SLC1A6: variants seen among roughly 807,000 people sequenced by gnomAD.
SLC1A6 encodes the protein solute carrier family 1 member 6.
Under a neutral mutation model 42.1 loss-of-function variants are expected in SLC1A6, and 15 were observed. That is an observed-to-expected ratio of 0.36 (90% CI 0.24 to 0.55). SLC1A6 has a LOEUF of 0.55. Among genes scored for constraint, SLC1A6 ranks in the 20% least tolerant of loss-of-function variants. The probability of loss-of-function intolerance (pLI) is 0.88; values close to 1 mark genes in which losing one functional copy is unlikely to be tolerated. For missense variants in SLC1A6, 542 were observed against 772.5 expected (o/e 0.70, Z 3.54); for synonymous variants, 317 against 319.7 (o/e 0.99, Z 0.09).
chr19:14,952,119 C>A (rs948879876), intron 9 of SLC1A6, among the ~76,000 whole-genome samples: 7 of 151,942 alleles, frequency 4.6e-5, no homozygotes, highest in African/African-American at 1.5e-4. Flanking sequence ...ACCCGTAAAC[C>A]TCCTGTTTTT....
At chr19:14,955,063 C>A (rs1300408936) in intron 7 of SLC1A6, among the ~76,000 whole-genome samples, 1 of 152,092 alleles carries the variant, frequency 6.6e-6, no homozygotes, top group Non-Finnish European at 1.5e-5. Flanking sequence ...CGAGTTTAGT[C>A]AAAGAAGTGG....
At chr19:15,008,169 A>T (rs1002840314) in intron 1 of SLC1A6, among the ~76,000 whole-genome samples, 1 of 151,914 alleles carries the variant, frequency 6.6e-6, no homozygotes, top group African/African-American at 2.4e-5. Context: ...TGTTAGCAAG[A>T]CTCTGTCTTT....
chr19:14,966,429 G>C (rs916071263), intron 4 of SLC1A6, among the ~76,000 whole-genome samples: 1 of 152,062 alleles, frequency 6.6e-6, no homozygotes, highest in African/African-American at 2.4e-5. Flanking sequence ...AGGTTGCAGT[G>C]AGCCAAGCTC....
At chr19:14,992,517 G>A (rs955170802) in intron 1 of SLC1A6, among the ~76,000 whole-genome samples, 1 of 152,096 alleles carries the variant, frequency 6.6e-6, no homozygotes, top group Non-Finnish European at 1.5e-5. Flanking sequence ...GAGGCAGGCA[G>A]ACAGGTGGTG....
chr19:14,986,102 T>A (rs1314160766), intron 1 of SLC1A6, among the ~76,000 whole-genome samples: 1 of 13,320 alleles, frequency 7.5e-5, no homozygotes, highest in Non-Finnish European at 1.5e-4. Flanking sequence ...CAAGCAGTAA[T>A]TTTTTTTTTT....
intron 1 of SLC1A6, among the ~76,000 whole-genome samples, chr19:14,993,183 C>A (rs557935425): frequency 6.6e-6 from 1 of 152,122 alleles, no homozygotes; most frequent in Non-Finnish European, 1.5e-5. Context: ...TCAGGATACC[C>A]CCTCCCAAAT....
intron 7 of SLC1A6, among the ~76,000 whole-genome samples, chr19:14,955,722 G>A (rs2045456406): frequency 6.6e-6 from 1 of 152,016 alleles, no homozygotes; most frequent in Non-Finnish European, 1.5e-5. Flanking sequence ...ATCACATGAG[G>A]CCAGGTGTTC....
At chr19:14,978,470 CCAGA>C (rs1244775274) in intron 1 of SLC1A6, among the ~76,000 whole-genome samples, 11 of 152,074 alleles carry the variant, frequency 7.2e-5, no homozygotes, top group Middle Eastern at 3.4e-3. Flanking sequence ...ATCCACAACC[CCAGA>C]CAGACACAGT....
At chr19:14,995,858 G>A (rs1235353278) in intron 1 of SLC1A6, among the ~76,000 whole-genome samples, 7 of 152,090 alleles carry the variant, frequency 4.6e-5, no homozygotes, top group African/African-American at 1.7e-4. Context: ...GTAGATCACT[G>A]GTAGATCCAG....
Position 14,968,341 on chromosome 19 carries a change from C to G in SLC1A6, c.510G>C (p.Glu170Asp). The G allele has an allele frequency of 1.2e-6, 2 of 1,613,726 alleles. No individual in the cohort carries two copies. The highest frequency in any genetic ancestry group is 1.7e-6 in the Non-Finnish European group (2 of 1,179,900). ...TGAAGGCATCAGCTGTGGGGATGGT[C>G]TCGATCCGGCCCTCCCGGTGCAGCC... ...KEGLHREGRI[E>D]TIPTADAFMD... Residue 170 changes from glutamate to aspartate, a missense_variant, in exon 4 of 10, where the codon GAG becomes GAC. Coordinates refer to ENST00000594383, the MANE Select transcript of SLC1A6 (RefSeq NM_005071.3).
intron 2 of SLC1A6, 143 bp downstream of exon 2, chr19:14,972,563 G>C (rs1412246023): frequency 3.1e-6 from 2 of 654,160 alleles, no homozygotes; most frequent in African/African-American, 1.8e-5. Context: ...CTTTATGTGG[G>C]GGGTTGAGGG....
At chr19:14,960,689 A>G (rs1171609351) in intron 6 of SLC1A6, among the ~76,000 whole-genome samples, 1 of 152,208 alleles carries the variant, frequency 6.6e-6, no homozygotes, top group Non-Finnish European at 1.5e-5. Flanking sequence ...CAAATACCAC[A>G]TGATCTCACT....
chr19:14,993,336 G>A (rs746241213), intron 1 of SLC1A6, among the ~76,000 whole-genome samples: 6 of 151,966 alleles, frequency 3.9e-5, no homozygotes, highest in Admixed American at 1.3e-4. Context: ...TCCTTCTGGG[G>A]GGGTGAAAGC....
At chr19:14,995,088 G>T (rs1423028210) in intron 1 of SLC1A6, among the ~76,000 whole-genome samples, 3 of 152,074 alleles carry the variant, frequency 2.0e-5, no homozygotes, top group Admixed American at 1.3e-4. Context: ...ACTTTGGGAG[G>T]CCAAGACGGG....
chr19:14,986,534 A>C (rs2145228592), intron 1 of SLC1A6, among the ~76,000 whole-genome samples: 1 of 152,042 alleles, frequency 6.6e-6, no homozygotes, highest in South Asian at 2.1e-4. Context: ...AAAAAAAAAA[A>C]AGGATTTAAT....
Position 15,004,701 on chromosome 19 carries a change from G to GAAA in SLC1A6, c.6+5781_6+5783dup, listed in dbSNP as rs35859231. 2.8e-5 allele frequency among the ~76,000 whole-genome samples: 4 copies of GAAA among 144,388 alleles called. No homozygotes were observed. The East Asian group carries it at 8.2e-4, about 30-fold the overall frequency. 94.7% of individuals were successfully genotyped at this position (144,388 alleles called of 152,430 possible). A position where few individuals can be genotyped will look rare whatever the true frequency, so the allele number is the denominator to read the frequency against. On this transcript the variant is annotated intron_variant, in intron 1 of 8. Transcript: ENST00000430939. ...GTGACAGAGTGAGACTCTGTCTCCA[G>GAAA]AAAAAAAAAAAAGATTCTTATTCAT...
At chr19:15,000,344 TTG>T (rs1235253308) in intron 1 of SLC1A6, among the ~76,000 whole-genome samples, 1 of 152,200 alleles carries the variant, frequency 6.6e-6, no homozygotes, top group Non-Finnish European at 1.5e-5. Context: ...AGCTAAAATT[TTG>T]TGTCTTCTGA....
chr19:14,999,502 C>G (rs1056791525), intron 1 of SLC1A6, among the ~76,000 whole-genome samples: 2 of 152,208 alleles, frequency 1.3e-5, no homozygotes, highest in Admixed American at 6.5e-5. Flanking sequence ...ACCTTGGGCA[C>G]ATGTCATCAG....
chr19:14,980,161 C>T (rs979429149), upstream of SLC1A6: 4 of 152,332 alleles, frequency 2.6e-5, no homozygotes, highest in Admixed American at 1.3e-4. Flanking sequence ...TGCTGTGTGC[C>T]CTTGGGCCAA....
Sources: gnomAD v4.1 joint callset for allele counts (sites outside exome capture counted in the v4.1 genomes callset) on GRCh38, gnomAD v4.1.1 for gene constraint, MANE v1.5 for transcripts, NCBI Gene and HGNC (gene_info 2026-07-23, HGNC 2026-07-21) for gene names.